The following VEPH1 variants were observed in gnomAD, a reference collection of about 807,000 sequenced individuals.
The protein encoded by VEPH1 is ventricular zone expressed PH domain containing 1, also known as ventricular zone-expressed PH domain-containing protein homolog 1.
In VEPH1, 80 loss-of-function variants were observed where a neutral mutation model predicts 85.2. That is an observed-to-expected ratio of 0.94 (90% CI 0.78 to 1.13). The LOEUF (loss-of-function observed/expected upper bound fraction) is 1.13. Ranked by LOEUF, VEPH1 falls within the 50% of genes most tolerant of loss-of-function variation. The pLI is 0.00. For missense variants in VEPH1, 955 were observed against 980.5 expected, an observed-to-expected ratio of 0.97 and a Z score of 0.35; for synonymous variants, 297 against 348.0, an observed-to-expected ratio of 0.85 and a Z score of 1.63.
chr3:157,440,424 C>G (rs192896001), intron 4 of VEPH1, among the ~76,000 whole-genome samples: 1 of 152,114 alleles, frequency 6.6e-6, no homozygotes, highest in Non-Finnish European at 1.5e-5. Context: ...GTTTACCACA[C>G]TTTTACATGG....
intron 6 of VEPH1, among the ~76,000 whole-genome samples, chr3:157,397,866 G>A (rs557076460): frequency 6.6e-6 from 1 of 152,176 alleles, no homozygotes; most frequent in Non-Finnish European, 1.5e-5. Flanking sequence ...CACATGCATT[G>A]CTTGAAGTTC....
At chr3:157,426,045 C>A (rs1732729201) in intron 5 of VEPH1, among the ~76,000 whole-genome samples, 1 of 152,138 alleles carries the variant, frequency 6.6e-6, no homozygotes, top group South Asian at 2.1e-4. Flanking sequence ...TTCCTGCCAC[C>A]ATGTAAGGAG....
Position 157,286,559 on chromosome 3 carries a change from G to T in VEPH1, c.2126C>A (p.Thr709Asn). The T allele has an allele frequency of 6.2e-7, 1 of 1,613,448 alleles. No homozygotes were observed. The highest frequency in any genetic ancestry group is 8.5e-7 in the Non-Finnish European group (1 of 1,179,382). The part of the protein sequence containing the change: ...CFMCNNPEKA[T>N]VVNQDGQPLI... ...AGCAGCAGGTAAGGGTCTCTCACCA[G>T]TTGCTTTCTCAGGATTGTTGCACAT... The change falls in exon 12 of 14, where the codon ACT becomes AAT. Residue 709 changes from threonine to asparagine, a missense_variant and splice_region_variant. Physicochemically the swap from Thr to Asn is moderately conservative, Grantham distance 65. Transcript: ENST00000362010.
chr3:157,417,112 T>C (rs754454680), intron 5 of VEPH1, among the ~76,000 whole-genome samples: 20 of 152,182 alleles, frequency 1.3e-4, no homozygotes, highest in Non-Finnish European at 2.9e-4. Flanking sequence ...AAGCTTGTTA[T>C]GATAATGATA....
chr3:157,268,572 T>A (rs897075712), intron 12 of VEPH1, among the ~76,000 whole-genome samples: 1 of 152,200 alleles, frequency 6.6e-6, no homozygotes, highest in Non-Finnish European at 1.5e-5. Flanking sequence ...ATTTGAATCC[T>A]CTAAATTACA....
intron 11 of VEPH1, among the ~76,000 whole-genome samples, chr3:157,286,917 G>C (rs6769039): frequency 0.23 from 34,580 of 152,154 alleles, 4,073 homozygotes; most frequent in Non-Finnish European, 0.27. Context: ...CTGAGTGTCA[G>C]GGTTGAGGTG....
At chr3:157,395,078 C>T (rs150290870) in intron 6 of VEPH1, among the ~76,000 whole-genome samples, 16 of 152,262 alleles carry the variant, frequency 1.1e-4, no homozygotes, top group Non-Finnish European at 1.6e-4. Flanking sequence ...GACCAGTGAA[C>T]GCCATGATCA....
rs757653945 is a variant in VEPH1 at position 157,261,249 on chromosome 3, G to C, written c.2387C>G (p.Thr796Ser). The change falls in exon 14 of 14, where the codon ACC (threonine) becomes AGC (serine). Residue 796 changes from threonine to serine, a missense_variant. Coordinates refer to ENST00000362010, the MANE Select transcript of VEPH1 (RefSeq NM_001167912.2). ...CTCATCCTTGGCCTTAAAGACATAG[G>C]TTTTATTGTCTGTGAAGATTTCGAA... ...RAFEIFTDNK[T>S]YVFKAKDEKN... 1 of 1,613,754 alleles carries C rather than the reference G, an allele frequency of 6.2e-7. No homozygotes were observed. The highest frequency in any genetic ancestry group is 8.5e-7 in the Non-Finnish European group (1 of 1,179,788).
intron 12 of VEPH1, among the ~76,000 whole-genome samples, chr3:157,285,804 C>T (rs886653494): frequency 2.6e-5 from 4 of 152,198 alleles, no homozygotes; most frequent in African/African-American, 9.6e-5. Flanking sequence ...AGCATGGGTT[C>T]TAGAGTCAGG....
intron 4 of VEPH1, chr3:157,459,951 T>C (rs374169494): frequency 1.2e-5 from 18 of 1,537,126 alleles, no homozygotes; most frequent in Admixed American, 2.0e-5. Context: ...TTTGGAAGAA[T>C]GCTTACAATT....
chr3:157,292,692 A>G (rs1019412913), intron 11 of VEPH1, among the ~76,000 whole-genome samples: 5 of 150,104 alleles, frequency 3.3e-5, no homozygotes, highest in African/African-American at 1.2e-4. Flanking sequence ...ACCTAAAAAA[A>G]GAAAAAAGAG....
chr3:157,348,911 T>C (rs1439350320), intron 9 of VEPH1, among the ~76,000 whole-genome samples: 1 of 152,246 alleles, frequency 6.6e-6, no homozygotes, highest in Non-Finnish European at 1.5e-5. Flanking sequence ...ACCACTGAAT[T>C]CTACTGAACC....
chr3:157,410,741 A>G (rs1731473571), intron 6 of VEPH1, among the ~76,000 whole-genome samples: 1 of 152,186 alleles, frequency 6.6e-6, no homozygotes, highest in Non-Finnish European at 1.5e-5. Context: ...TGACATTTAT[A>G]GGTAATTTTA....
chr3:157,443,783 G>T (rs890405788), intron 4 of VEPH1, among the ~76,000 whole-genome samples: 1 of 152,118 alleles, frequency 6.6e-6, no homozygotes, highest in Non-Finnish European at 1.5e-5. Context: ...TATTATCTCT[G>T]CCAAGTCAAT....
intron 9 of VEPH1, among the ~76,000 whole-genome samples, chr3:157,345,101 C>A (rs1361721175): frequency 6.6e-6 from 1 of 152,186 alleles, no homozygotes; most frequent in Non-Finnish European, 1.5e-5. Flanking sequence ...CAATACCATT[C>A]AGGACATAGG....
chr3:157,346,754 G>A (rs1426371601), intron 9 of VEPH1, among the ~76,000 whole-genome samples: 3 of 151,964 alleles, frequency 2.0e-5, no homozygotes, highest in African/African-American at 4.8e-5. Context: ...CCATCAGCAC[G>A]TGCCACCATG....
chr3:157,317,131 A>G lies in VEPH1; in HGVS notation c.1806T>C (p.Ser602=), dbSNP rs1481090417. The change falls in exon 10 of 14, where the codon AGT becomes AGC. Residue 602 remains serine, a synonymous_variant. Transcript: ENST00000362010. ...CSLKGHYCLY[S]KSSFILISQE... is the part of the protein sequence containing the mutation. Reference sequence around the variant, plus strand: ...GGCTGATGAGAATAAAACTGGACTTACTGTATAGGCAGTAATGACCCTTCA... The same window carrying G: ...GGCTGATGAGAATAAAACTGGACTTGCTGTATAGGCAGTAATGACCCTTCA... 2.5e-6 allele frequency: 4 copies of G among 1,613,684 alleles called. No homozygotes were observed. The highest frequency in any genetic ancestry group is 1.7e-5 in the Admixed American group (1 of 59,974).
intron 6 of VEPH1, chr3:157,381,715 T>C: frequency 4.7e-6 from 1 of 211,906 alleles, no homozygotes; most frequent in Non-Finnish European, 9.5e-6. Flanking sequence ...GGAGACTCGG[T>C]CTCAGAAAAA....
chr3:157,268,995 A>C (rs1714134745), intron 12 of VEPH1, among the ~76,000 whole-genome samples: 1 of 152,178 alleles, frequency 6.6e-6, no homozygotes, highest in African/African-American at 2.4e-5. Context: ...AAGATGATTT[A>C]ATGTAATGCT....
Sources: allele counts gnomAD v4.1 joint callset (sites outside exome capture counted in the v4.1 genomes callset), GRCh38; gene constraint gnomAD v4.1.1; transcripts MANE v1.5; gene names NCBI Gene and HGNC (gene_info 2026-07-23, HGNC 2026-07-21).